Variants in CSTPP1 observed in about 807,000 individuals in gnomAD.
CSTPP1 encodes the protein UPF0705 protein C11orf49.
chr11:47,038,330 T>G, the CSTPP1 span, among the ~76,000 whole-genome samples: 1 of 77,684 alleles, frequency 1.3e-5, no homozygotes, highest in African/African-American at 3.8e-5. Context: ...GGCGGGGGGC[T>G]GACCCCCCAC....
the CSTPP1 span, chr11:47,161,868 G>GC: frequency 7.5e-7 from 1 of 1,326,366 alleles, no homozygotes; most frequent in Non-Finnish European, 9.6e-7. Context: ...CTTCACTTAG[G>GC]CCCCAAGCTG....
chr11:47,061,775 CT>C, the CSTPP1 span, among the ~76,000 whole-genome samples: 2 of 152,152 alleles, frequency 1.3e-5, no homozygotes, highest in African/African-American at 4.8e-5. Context: ...TTTATTTCTC[CT>C]GAGTTCCTAA....
At chr11:47,071,895 T>G in the CSTPP1 span, among the ~76,000 whole-genome samples, 1 of 152,200 alleles carries the variant, frequency 6.6e-6, no homozygotes, top group Non-Finnish European at 1.5e-5. Context: ...TGCTGTGACT[T>G]GGGGAGAGCA....
the CSTPP1 span, chr11:47,154,867 A>T: frequency 8.5e-6 from 4 of 472,486 alleles, no homozygotes; most frequent in African/African-American, 7.7e-5. Flanking sequence ...TCTCCTCGCC[A>T]CCCCCTGCCC....
At chr11:47,138,758 C>A in the CSTPP1 span, among the ~76,000 whole-genome samples, 152,280 of 152,280 alleles carry the variant, frequency 1, 76,140 homozygotes, top group Non-Finnish European at 1. Flanking sequence ...CAGGCAGATC[C>A]CCTGAAGCCA....
At chr11:47,122,734 T>C in the CSTPP1 span, among the ~76,000 whole-genome samples, 125 of 152,210 alleles carry the variant, frequency 8.2e-4, no homozygotes, top group African/African-American at 2.7e-3. Context: ...TGTGCACCAC[T>C]GTGCCTGGCT....
chr11:47,004,684 A>G, the CSTPP1 span, among the ~76,000 whole-genome samples: 3 of 152,054 alleles, frequency 2.0e-5, no homozygotes, highest in African/African-American at 7.2e-5. Context: ...CCTTTCCTCT[A>G]GATACAGAAT....
At chr11:47,136,992 G>C in the CSTPP1 span, among the ~76,000 whole-genome samples, 1 of 152,132 alleles carries the variant, frequency 6.6e-6, no homozygotes, top group African/African-American at 2.4e-5. Flanking sequence ...CTCTCCCAAA[G>C]CACAAAGCAT....
At chr11:47,037,986 C>CA in the CSTPP1 span, among the ~76,000 whole-genome samples, 50 of 106,630 alleles carry the variant, frequency 4.7e-4, 7 homozygotes, top group African/African-American at 9.3e-4. Context: ...TGACCCCCCC[C>CA]ACCTCCCTCC....
At chr11:47,107,702 A>C in the CSTPP1 span, among the ~76,000 whole-genome samples, 1 of 152,130 alleles carries the variant, frequency 6.6e-6, no homozygotes, top group African/African-American at 2.4e-5. Context: ...CTATTAGAAG[A>C]TTCTCCTAAA....
At chr11:47,123,879 G>A in the CSTPP1 span, among the ~76,000 whole-genome samples, 1 of 151,748 alleles carries the variant, frequency 6.6e-6, no homozygotes, top group Non-Finnish European at 1.5e-5. Context: ...TTGAACCCGG[G>A]AGGCGGACGT....
At chr11:46,987,415 C>A in the CSTPP1 span, 2 of 962,588 alleles carry the variant, frequency 2.1e-6, no homozygotes, top group Non-Finnish European at 3.3e-6. Flanking sequence ...TAGGTAGTGG[C>A]AGTGAATGTT....
the CSTPP1 span, among the ~76,000 whole-genome samples, chr11:47,030,388 T>G: frequency 3.3e-5 from 5 of 152,216 alleles, no homozygotes; most frequent in African/African-American, 1.2e-4. Flanking sequence ...TTTGCCTCTT[T>G]GCACATTAAG....
chr11:47,039,580 T>C, the CSTPP1 span, among the ~76,000 whole-genome samples: 2 of 127,762 alleles, frequency 1.6e-5, 1 homozygote, highest in East Asian at 4.2e-4. Context: ...GGCTCACGTC[T>C]GTAATCCCAG....
the CSTPP1 span, among the ~76,000 whole-genome samples, chr11:47,119,737 G>A: frequency 2.3e-4 from 35 of 149,960 alleles, no homozygotes; most frequent in African/African-American, 8.1e-4. Context: ...TCAGCCTCCC[G>A]AGTAGCTGGG....
At chr11:47,043,397 A>T in the CSTPP1 span, among the ~76,000 whole-genome samples, 1 of 151,388 alleles carries the variant, frequency 6.6e-6, no homozygotes, top group Non-Finnish European at 1.5e-5. Flanking sequence ...AAAAACCTTG[A>T]GGTGTGGGAG....
chr11:47,157,001 AC>A, the CSTPP1 span: 3 of 1,613,096 alleles, frequency 1.9e-6, no homozygotes, highest in Non-Finnish European at 2.5e-6. Context: ...CCACACCCAC[AC>A]CCCCACCCCC....
At chr11:46,984,335 A>G in the CSTPP1 span, among the ~76,000 whole-genome samples, 1 of 152,232 alleles carries the variant, frequency 6.6e-6, no homozygotes, top group African/African-American at 2.4e-5. Context: ...TAGAAGTCTA[A>G]GAATAACTAT....
the CSTPP1 span, among the ~76,000 whole-genome samples, chr11:46,950,468 C>T: frequency 1.1e-4 from 17 of 151,238 alleles, no homozygotes; most frequent in East Asian, 2.0e-4. Flanking sequence ...CCACCGCGCC[C>T]GGCCTAAAGA....
Sources: allele counts gnomAD v4.1 joint callset (sites outside exome capture counted in the v4.1 genomes callset), GRCh38; gene constraint gnomAD v4.1.1; transcripts MANE v1.5; gene names NCBI Gene and HGNC (gene_info 2026-07-23, HGNC 2026-07-21).